Variants in ESRRG observed in about 807,000 individuals in gnomAD.
ESRRG encodes the protein estrogen-related receptor gamma.
Under a neutral mutation model 44.0 loss-of-function variants are expected in ESRRG, and 13 were observed. That is an observed-to-expected ratio of 0.30 (90% CI 0.19 to 0.47). The LOEUF (loss-of-function observed/expected upper bound fraction) is 0.47. Among genes scored for constraint, ESRRG ranks in the 20% least tolerant of loss-of-function variants. The pLI is 1.00. For missense variants in ESRRG, 395 were observed against 580.6 expected (o/e 0.68, Z 3.29); for synonymous variants, 215 against 214.6 (o/e 1.00, Z -0.02).
intron 2 of ESRRG, among the ~76,000 whole-genome samples, chr1:216,899,379 G>A (rs2058798336): frequency 1.3e-5 from 2 of 152,170 alleles, no homozygotes; most frequent in South Asian, 4.1e-4. Context: ...ATGCATTTAT[G>A]TTATATTTCT....
upstream of ESRRG, among the ~76,000 whole-genome samples, chr1:216,727,264 T>A (rs1004191981): frequency 6.6e-6 from 1 of 152,206 alleles, no homozygotes; most frequent in African/African-American, 2.4e-5. Flanking sequence ...GTTTAACTTT[T>A]TGAACTATTT....
intron 2 of ESRRG, among the ~76,000 whole-genome samples, chr1:216,795,501 T>C (rs960114507): frequency 6.6e-6 from 1 of 151,776 alleles, no homozygotes; most frequent in African/African-American, 2.4e-5. Context: ...CCACTGTGCC[T>C]GGCTAATTTT....
chr1:216,533,542 A>G (rs1460030490), intron 5 of ESRRG, among the ~76,000 whole-genome samples: 1 of 152,182 alleles, frequency 6.6e-6, no homozygotes, highest in Non-Finnish European at 1.5e-5. Context: ...AGCAGGAGGC[A>G]GAATAGAATT....
intron 2 of ESRRG, among the ~76,000 whole-genome samples, chr1:216,928,558 A>G (rs1160178386): frequency 6.6e-6 from 1 of 152,152 alleles, no homozygotes; most frequent in Non-Finnish European, 1.5e-5. Flanking sequence ...GAGTTTCCTA[A>G]GCACATTGAT....
intron 1 of ESRRG, among the ~76,000 whole-genome samples, chr1:217,127,090 A>C (rs1448315710): frequency 6.6e-6 from 1 of 152,174 alleles, no homozygotes. Context: ...CGGTATATTG[A>C]TTTATATCCA....
chr1:216,691,232 G>A (rs1426576602), intron 1 of ESRRG, among the ~76,000 whole-genome samples: 2 of 151,954 alleles, frequency 1.3e-5, no homozygotes, highest in African/African-American at 4.8e-5. Flanking sequence ...GTAGAAATAA[G>A]AAAAAGAGGA....
At chr1:217,019,766 G>A (rs11572429) in intron 1 of ESRRG, among the ~76,000 whole-genome samples, 4,327 of 152,170 alleles carry the variant, frequency 0.028, 207 homozygotes, top group African/African-American at 0.1. Context: ...AGGTGGGAAC[G>A]GCTCTGTCTT....
intron 2 of ESRRG, among the ~76,000 whole-genome samples, chr1:216,931,033 T>C (rs2063271211): frequency 6.6e-6 from 1 of 152,222 alleles, no homozygotes; most frequent in Non-Finnish European, 1.5e-5. Context: ...TAAGGAAAGC[T>C]GGCATGTTAA....
Position 217,068,621 on chromosome 1 carries a change from A to G in ESRRG, c.-106+20886T>C, listed in dbSNP as rs550591788. ...GTAAGTTGTGACTTCATAAACTTTC[A>G]CTACAAAAATATCATGTATTATTAG... On this transcript the variant is annotated intron_variant, in intron 1 of 7. Coordinates refer to the ESRRG transcript ENST00000359162. Among the ~76,000 whole-genome samples, 16 of 152,318 alleles carry G rather than the reference A, an allele frequency of 1.1e-4. No individual in the cohort carries two copies. The South Asian group carries it at 3.3e-3, about 32-fold the overall frequency.
At chr1:216,964,699 T>G (rs1412799033) in intron 1 of ESRRG, among the ~76,000 whole-genome samples, 1 of 151,702 alleles carries the variant, frequency 6.6e-6, no homozygotes, top group African/African-American at 2.4e-5. Context: ...CTCTCTATAT[T>G]AAAAATGTTC....
chr1:216,915,384 A>G (rs912154056), intron 2 of ESRRG, among the ~76,000 whole-genome samples: 7 of 152,190 alleles, frequency 4.6e-5, no homozygotes, highest in African/African-American at 1.7e-4. Flanking sequence ...CTAGGAAAAA[A>G]CAACCTATGA....
intron 3 of ESRRG, among the ~76,000 whole-genome samples, chr1:216,590,780 G>A (rs1400235648): frequency 6.6e-6 from 1 of 151,970 alleles, no homozygotes; most frequent in Non-Finnish European, 1.5e-5. Flanking sequence ...GAAAGTATAA[G>A]CCACAAGACA....
At position 217,013,090 on chromosome 1, in the gene ESRRG, A is replaced by C. The variant is rs939311848; in HGVS notation, c.-105-73417T>G. Among the ~76,000 whole-genome samples the C allele has an allele frequency of 3.9e-5, 6 of 152,146 alleles. No individual in the cohort carries two copies. In the East Asian group the frequency reaches 1.2e-3, roughly 29 times the overall value. On this transcript the variant is annotated intron_variant, in intron 1 of 7. Transcript: ENST00000359162. ...TTATAAGAGGATAATCCTGGATTGG[A>C]GCTCACCCTAATTGCATCATTTGAA...
chr1:216,640,134 A>C (rs981119074), intron 3 of ESRRG, among the ~76,000 whole-genome samples: 2 of 152,160 alleles, frequency 1.3e-5, no homozygotes, highest in Non-Finnish European at 1.5e-5. Context: ...GGTAAGGCTG[A>C]GTGGCAGTGG....
intron 1 of ESRRG, among the ~76,000 whole-genome samples, chr1:216,948,915 C>T (rs1352897314): frequency 6.6e-6 from 1 of 152,130 alleles, no homozygotes; most frequent in African/African-American, 2.4e-5. Context: ...CAAGGATCTA[C>T]TTAGGGCCCC....
At chr1:216,862,065 C>T (rs2096062853) in intron 2 of ESRRG, among the ~76,000 whole-genome samples, 1 of 152,154 alleles carries the variant, frequency 6.6e-6, no homozygotes. Flanking sequence ...AAGTGTAATT[C>T]TCATACACTG....
intron 2 of ESRRG, among the ~76,000 whole-genome samples, chr1:216,869,084 T>C (rs1307552902): frequency 6.6e-6 from 1 of 152,186 alleles, no homozygotes; most frequent in Non-Finnish European, 1.5e-5. Flanking sequence ...AATTTATCAA[T>C]TTTTTGTTTT....
At chr1:216,703,217 GC>G in intron 1 of ESRRG, among the ~76,000 whole-genome samples, 1 of 152,234 alleles carries the variant, frequency 6.6e-6, no homozygotes, top group Non-Finnish European at 1.5e-5. Context: ...GGGTGTCCAA[GC>G]TTTTGGCTTT....
intron 2 of ESRRG, among the ~76,000 whole-genome samples, chr1:216,856,489 A>G (rs1487470662): frequency 6.6e-6 from 1 of 152,160 alleles, no homozygotes; most frequent in East Asian, 1.9e-4. Flanking sequence ...AATTTCTGTC[A>G]AAGTGTCTGG....
Sources: gnomAD v4.1 joint callset for allele counts (sites outside exome capture counted in the v4.1 genomes callset) on GRCh38, gnomAD v4.1.1 for gene constraint, MANE v1.5 for transcripts, NCBI Gene and HGNC (gene_info 2026-07-23, HGNC 2026-07-21) for gene names.